The following ALMS1 variants were observed in gnomAD, a reference collection of about 807,000 sequenced individuals.
The protein encoded by ALMS1 is ALMS1 centrosome and basal body associated protein, also known as centrosome-associated protein ALMS1.
A neutral mutation model predicts 352.2 loss-of-function variants in ALMS1; 271 were observed. The observed-to-expected ratio is 0.77, with a 90% CI of 0.70 to 0.85. The LOEUF is 0.85. Among genes scored for constraint, ALMS1 ranks in the 40% least tolerant of loss-of-function variants. The pLI is 0.00. For synonymous variants in ALMS1, 1,865 were observed against 1,761.2 expected, an observed-to-expected ratio of 1.06 and a Z score of -1.48; for missense variants, 5,445 against 4,870.7, an observed-to-expected ratio of 1.12 and a Z score of -3.51.
chr2:73,557,410 T>TA, intron 14 of ALMS1, 56 bp downstream of exon 14: 7 of 1,608,506 alleles, frequency 4.4e-6, no homozygotes, highest in Non-Finnish European at 6.0e-6. Flanking sequence ...AAAATGAGAC[T>TA]ATTCCCTTAA....
chr2:73,430,238 G>A (rs1402076959), intron 6 of ALMS1, among the ~76,000 whole-genome samples: 3 of 151,736 alleles, frequency 2.0e-5, no homozygotes, highest in African/African-American at 7.3e-5. Flanking sequence ...CCCCATGCCC[G>A]GCTAATTTTT....
At chr2:73,506,218 G>A (rs1673317242) in intron 10 of ALMS1, among the ~76,000 whole-genome samples, 1 of 152,166 alleles carries the variant, frequency 6.6e-6, no homozygotes, top group African/African-American at 2.4e-5. Flanking sequence ...AAGTCAGGTA[G>A]CATGATGCCT....
chr2:73,557,288 A>G lies in ALMS1; in HGVS notation c.10147A>G (p.Ser3383Gly), dbSNP rs755215811. 1 of 1,614,200 alleles carries G rather than the reference A, an allele frequency of 6.2e-7. No homozygotes were observed. The highest frequency in any genetic ancestry group is 1.1e-5 in the South Asian group (1 of 91,082). Reference sequence around the variant, plus strand: ...AGACAAAAAACAGCAAGAGATTCACAGTACAAGGGCAGTGACTGAGGCTGC... The same window carrying G: ...AGACAAAAAACAGCAAGAGATTCACGGTACAAGGGCAGTGACTGAGGCTGC... ...LSDKKQQEIH[S>G]TRAVTEAAQA... The change falls in exon 14 of 23, where the codon AGT (serine) becomes GGT (glycine). Residue 3383 changes from serine to glycine, a missense_variant. Physicochemically the swap from Ser to Gly is moderately conservative, Grantham distance 56. Transcript: ENST00000613296.
rs1455390186 is a variant in ALMS1 at position 73,453,502 on chromosome 2, A to G, written c.6975A>G (p.Glu2325=). The G allele has an allele frequency of 2.4e-5, 39 of 1,613,668 alleles. No homozygotes were observed. Among genetic ancestry groups the G allele is most frequent in the Non-Finnish European group, 3.2e-5 (38 of 1,179,898 alleles). ...TTCACAGACAGCCATTCACAGAGGA[A>G]AGCCCAAGCAGCAGGTGCATACAGA... ...DLLHRQPFTE[E]SPSSRCIQKD... Residue 2325 remains glutamate (E), a synonymous_variant, in exon 8 of 23, where the codon GAA becomes GAG. Transcript: ENST00000613296.
At position 73,490,173 on chromosome 2, in the gene ALMS1, A is replaced by C. The variant is rs553393206; in HGVS notation, c.8214A>C (p.Glu2738Asp). The change falls in exon 10 of 23, where the codon GAA becomes GAC. Residue 2738 changes from glutamate to aspartate, a missense_variant. By Grantham distance (45) the Glu-to-Asp change is conservative. Coordinates refer to ENST00000613296, the MANE Select transcript of ALMS1 (RefSeq NM_001378454.1). Reference protein sequence around the residue: ...NSSVVKVGVTEGSQCTGASVG... With the variant: ...NSSVVKVGVTDGSQCTGASVG... Reference sequence around the variant, plus strand: ...CTGTTGTTAAGGTTGGTGTTACTGAAGGTAGCCAGTGTACTGGAGCATCTG... The same window carrying C: ...CTGTTGTTAAGGTTGGTGTTACTGACGGTAGCCAGTGTACTGGAGCATCTG... 1.2e-6 allele frequency: 2 copies of C among 1,614,178 alleles called. No individual in the cohort carries two copies. Among genetic ancestry groups the C allele is most frequent in the South Asian group, 1.1e-5 (1 of 91,084 alleles).
chr2:73,424,291 GA>G, intron 4 of ALMS1, 138 bp from the exon 5 acceptor site: 2 of 594,506 alleles, frequency 3.4e-6, no homozygotes, highest in Non-Finnish European at 5.4e-6. Flanking sequence ...AGAAGAGTCT[GA>G]AATTAGGAGA....
At position 73,609,780 on chromosome 2, in the gene ALMS1, A is replaced by T; in HGVS notation, c.*168A>T. On this transcript the variant is annotated 3_prime_UTR_variant, in exon 23 of 23. Coordinates refer to ENST00000613296, the MANE Select transcript of ALMS1 (RefSeq NM_001378454.1). Reference sequence around the variant, plus strand: ...AACAAAGTGGTGATTAAAATTCCTAATGGTTTGGGAGCAATACTTTCTGCA... The same window carrying T: ...AACAAAGTGGTGATTAAAATTCCTATTGGTTTGGGAGCAATACTTTCTGCA... 1 of 687,842 alleles carries T rather than the reference A, an allele frequency of 1.5e-6. No homozygotes were observed. The highest frequency in any genetic ancestry group is 2.8e-5 in the East Asian group (1 of 35,486). The allele number at this position is 687,842 out of a possible 1,614,324, so 42.6% of individuals were successfully genotyped here.
intron 11 of ALMS1, among the ~76,000 whole-genome samples, chr2:73,524,246 TG>T: frequency 6.6e-6 from 1 of 152,336 alleles, no homozygotes; most frequent in South Asian, 2.1e-4. Flanking sequence ...TCTTTTGAAC[TG>T]TGTAATTTAT....
chr2:73,506,147 G>A (rs1017039282), intron 10 of ALMS1, among the ~76,000 whole-genome samples: 27 of 152,152 alleles, frequency 1.8e-4, no homozygotes, highest in African/African-American at 6.5e-4. Flanking sequence ...ATTGGTCTAT[G>A]TATCTGTTTT....
At chr2:73,423,782 C>CA (rs1438423401) in intron 4 of ALMS1, among the ~76,000 whole-genome samples, 1 of 148,418 alleles carries the variant, frequency 6.7e-6, no homozygotes, top group Non-Finnish European at 1.5e-5. Flanking sequence ...TGTTTGTTTG[C>CA]TTTTTTTTTT....
At chr2:73,455,584 G>A (rs977841522) in intron 9 of ALMS1, among the ~76,000 whole-genome samples, 2 of 152,000 alleles carry the variant, frequency 1.3e-5, no homozygotes, top group African/African-American at 4.8e-5. Context: ...TTAAATTTTT[G>A]GCAGAGACAG....
chr2:73,416,072 A>T (rs1211709049), intron 2 of ALMS1, among the ~76,000 whole-genome samples: 1 of 152,156 alleles, frequency 6.6e-6, no homozygotes, highest in Non-Finnish European at 1.5e-5. Context: ...GAACTATGGG[A>T]TACAGGCTCA....
intron 9 of ALMS1, among the ~76,000 whole-genome samples, chr2:73,471,182 G>T (rs1476962817): frequency 6.7e-6 from 1 of 148,456 alleles, no homozygotes; most frequent in African/African-American, 2.5e-5. Context: ...GTCCTCTCTT[G>T]CTGTCTTCCT....
intron 7 of ALMS1, among the ~76,000 whole-genome samples, chr2:73,440,183 A>T (rs772785146): frequency 2.6e-5 from 4 of 151,958 alleles, no homozygotes; most frequent in African/African-American, 7.3e-5. Context: ...GGGTTTCACC[A>T]TGTTGGCCAG....
chr2:73,597,301 T>G (rs540984369), intron 16 of ALMS1, among the ~76,000 whole-genome samples: 1 of 152,322 alleles, frequency 6.6e-6, no homozygotes, highest in South Asian at 2.1e-4. Flanking sequence ...TGGGTAACCT[T>G]GGTTATTAGT....
At chr2:73,433,365 A>G (rs955270414) in intron 7 of ALMS1, among the ~76,000 whole-genome samples, 2 of 152,198 alleles carry the variant, frequency 1.3e-5, no homozygotes, top group Non-Finnish European at 2.9e-5. Flanking sequence ...TTCAGCCTAC[A>G]TAGGGAAAGA....
At chr2:73,412,648 T>C (rs1297369043) in intron 2 of ALMS1, among the ~76,000 whole-genome samples, 1 of 152,036 alleles carries the variant, frequency 6.6e-6, no homozygotes, top group African/African-American at 2.4e-5. Flanking sequence ...ATATAAAAAT[T>C]AGCCAGGTGT....
intron 1 of ALMS1, among the ~76,000 whole-genome samples, chr2:73,386,528 G>C (rs929370698): frequency 6.6e-6 from 1 of 152,116 alleles, no homozygotes; most frequent in Non-Finnish European, 1.5e-5. Flanking sequence ...GTGTAGGACC[G>C]GAGCGAGTGG....
intron 15 of ALMS1, among the ~76,000 whole-genome samples, chr2:73,564,223 T>A (rs540184527): frequency 9.0e-4 from 137 of 152,134 alleles, no homozygotes; most frequent in Non-Finnish European, 1.6e-3. Flanking sequence ...CCCAGCACTT[T>A]GGGAAGCTAG....
Sources: gnomAD v4.1 joint callset for allele counts (sites outside exome capture counted in the v4.1 genomes callset) on GRCh38, gnomAD v4.1.1 for gene constraint, MANE v1.5 for transcripts, NCBI Gene and HGNC (gene_info 2026-07-23, HGNC 2026-07-21) for gene names.